Variants in RXFP2 observed in about 807,000 individuals in gnomAD.
RXFP2 encodes relaxin family peptide receptor 2.
A neutral mutation model predicts 88.6 loss-of-function variants in RXFP2; 68 were observed. The observed-to-expected ratio is 0.77, with a 90% CI of 0.63 to 0.94. The LOEUF (loss-of-function observed/expected upper bound fraction) is 0.94. Among genes scored for constraint, RXFP2 ranks in the 40% least tolerant of loss-of-function variants. The pLI, the probability that RXFP2 is intolerant of heterozygous loss-of-function variation, is 0.00. For missense variants in RXFP2, 791 were observed against 893.9 expected (o/e 0.88, Z 1.47); for synonymous variants, 329 against 306.8 (o/e 1.07, Z -0.76).
At chr13:31,747,336 A>G (rs540191287) in intron 1 of RXFP2, among the ~76,000 whole-genome samples, 1 of 152,342 alleles carries the variant, frequency 6.6e-6, no homozygotes, top group African/African-American at 2.4e-5. Context: ...CTTAAAAAAA[A>G]CAGAAGATGT....
At chr13:31,796,136 G>A (rs867933069) in intron 16 of RXFP2, among the ~76,000 whole-genome samples, 113 of 122,650 alleles carry the variant, frequency 9.2e-4, no homozygotes, top group African/African-American at 3.1e-3. Flanking sequence ...TGCAAGCTCC[G>A]CTTCCCGGGT....
At chr13:31,748,858 G>A (rs193109744) in intron 1 of RXFP2, among the ~76,000 whole-genome samples, 42 of 152,188 alleles carry the variant, frequency 2.8e-4, no homozygotes, top group East Asian at 9.6e-4. Flanking sequence ...TTAGCTGGGC[G>A]TGGTGTTGTG....
intron 11 of RXFP2, among the ~76,000 whole-genome samples, chr13:31,782,973 C>T (rs1038854441): frequency 1.4e-4 from 21 of 152,136 alleles, no homozygotes; most frequent in Non-Finnish European, 2.8e-4. Context: ...TACTTGTTTT[C>T]TTTGGGTGAT....
At chr13:31,765,896 A>C in intron 4 of RXFP2, 60 bp from the exon 5 acceptor site, 1 of 801,846 alleles carries the variant, frequency 1.2e-6, no homozygotes, top group Non-Finnish European at 2.2e-6. Flanking sequence ...TGTGGCTTCT[A>C]GGGAAGAGTG....
chr13:31,772,871 C>T (rs1350350821), intron 5 of RXFP2, among the ~76,000 whole-genome samples: 1 of 152,172 alleles, frequency 6.6e-6, no homozygotes, highest in Non-Finnish European at 1.5e-5. Flanking sequence ...TCACAATTTG[C>T]AACTGCATTC....
At chr13:31,777,835 G>T (rs993955063) in intron 8 of RXFP2, among the ~76,000 whole-genome samples, 10 of 152,092 alleles carry the variant, frequency 6.6e-5, no homozygotes, top group Admixed American at 1.3e-4. Context: ...ATGTGCCTTT[G>T]CCCAGCAAGA....
At chr13:31,771,140 C>G (rs1409639893) in intron 5 of RXFP2, among the ~76,000 whole-genome samples, 1 of 152,206 alleles carries the variant, frequency 6.6e-6, no homozygotes, top group Non-Finnish European at 1.5e-5. Flanking sequence ...GAGCAGAGAA[C>G]AGACATGCAC....
intron 2 of RXFP2, among the ~76,000 whole-genome samples, chr13:31,760,092 G>T (rs1872231860): frequency 6.6e-6 from 1 of 150,968 alleles, no homozygotes; most frequent in Admixed American, 6.6e-5. Flanking sequence ...TTGTTTGTTT[G>T]TTTGTTTGTT....
rs1400331873 is a variant in RXFP2 at position 31,797,254 on chromosome 13, T to C, written c.1840T>C (p.Cys614Arg). The change falls in exon 17 of 18, where the codon TGT becomes CGT. Residue 614 changes from cysteine (C) to arginine (R), a missense_variant. Transcript: ENST00000298386. ...TGTGTTTTCCTATATTACTATGTTC[T>C]GTTCCATTCAAAAAACCGCCTTGCA... ...IIVFSYITMF[C>R]SIQKTALQTT... 6.2e-7 allele frequency: 1 copy of C among 1,614,092 alleles called. No homozygotes were observed. The highest frequency in any genetic ancestry group is 8.5e-7 in the Non-Finnish European group (1 of 1,179,928).
At position 31,761,761 on chromosome 13, in the gene RXFP2, G is replaced by A; in HGVS notation, c.279G>A (p.Val93=). The A allele has an allele frequency of 6.2e-7, 1 of 1,613,272 alleles. No individual in the cohort carries two copies. Among genetic ancestry groups the A allele is most frequent in the South Asian group, 1.1e-5 (1 of 91,064 alleles). Residue 93 remains valine, a synonymous_variant, in exon 3 of 18, where the codon GTG becomes GTA. Coordinates refer to ENST00000298386, the MANE Select transcript of RXFP2 (RefSeq NM_130806.5). ...GATGGGCGACCATATTTGGCACAGTGCATGGAAATGCTAACAGCGTGGCCT... is the reference window on the plus strand; with the variant it reads ...GATGGGCGACCATATTTGGCACAGTACATGGAAATGCTAACAGCGTGGCCT... ...TSGWATIFGT[V]HGNANSVALT...
At chr13:31,794,835 C>G (rs1432223625) in intron 16 of RXFP2, among the ~76,000 whole-genome samples, 1 of 151,792 alleles carries the variant, frequency 6.6e-6, no homozygotes, top group African/African-American at 2.4e-5. Flanking sequence ...GCATGGAGCT[C>G]GGCCCAAAGG....
intron 5 of RXFP2, 144 bp from the exon 6 acceptor site, chr13:31,774,476 G>A (rs1464005448): frequency 2.4e-5 from 16 of 678,462 alleles, no homozygotes; most frequent in Admixed American, 2.3e-4. Flanking sequence ...ATTTCTCACT[G>A]ACAACATCTC....
At chr13:31,774,862 T>G (rs926630002) in intron 6 of RXFP2, among the ~76,000 whole-genome samples, 171 bp downstream of exon 6, 4 of 152,194 alleles carry the variant, frequency 2.6e-5, no homozygotes, top group Admixed American at 6.5e-5. Flanking sequence ...ATTCCTACCT[T>G]TACCAGAAGA....
At chr13:31,782,222 A>G (rs976704253) in intron 10 of RXFP2, among the ~76,000 whole-genome samples, 1 of 152,052 alleles carries the variant, frequency 6.6e-6, no homozygotes, top group Non-Finnish European at 1.5e-5. Flanking sequence ...CGCTGTTTAT[A>G]TTTTTTATGG....
intron 1 of RXFP2, among the ~76,000 whole-genome samples, chr13:31,754,170 G>A (rs751510183): frequency 1.3e-5 from 2 of 152,180 alleles, no homozygotes; most frequent in African/African-American, 2.4e-5. Context: ...TTGATTGCTT[G>A]TTTGCCTCTG....
At chr13:31,773,356 T>C (rs1387181169) in intron 5 of RXFP2, among the ~76,000 whole-genome samples, 2 of 152,078 alleles carry the variant, frequency 1.3e-5, no homozygotes, top group Non-Finnish European at 2.9e-5. Context: ...ATAGGGAAAA[T>C]GACCGTATTT....
chr13:31,769,676 G>C (rs1872668403), intron 5 of RXFP2, among the ~76,000 whole-genome samples: 1 of 152,116 alleles, frequency 6.6e-6, no homozygotes, highest in Admixed American at 6.6e-5. Context: ...ATGACTTCTT[G>C]ATACTCTTGA....
intron 4 of RXFP2, among the ~76,000 whole-genome samples, chr13:31,765,432 C>CA (rs1872509660): frequency 1.3e-5 from 2 of 149,326 alleles, no homozygotes; most frequent in Admixed American, 1.3e-4. Flanking sequence ...TGTTGAAATG[C>CA]TTTTTTTTTT....
chr13:31,766,180 T>C (rs931278703), intron 5 of RXFP2, among the ~76,000 whole-genome samples, 153 bp downstream of exon 5: 4 of 152,216 alleles, frequency 2.6e-5, no homozygotes, highest in Admixed American at 2.6e-4. Context: ...CATTTGAAAG[T>C]ATGTTATCTT....
Sources: gnomAD v4.1 joint callset for allele counts (sites outside exome capture counted in the v4.1 genomes callset) on GRCh38, gnomAD v4.1.1 for gene constraint, MANE v1.5 for transcripts, NCBI Gene and HGNC (gene_info 2026-07-23, HGNC 2026-07-21) for gene names.